RECQL: variants seen among roughly 807,000 people sequenced by gnomAD.
RECQL encodes the protein ATP-dependent DNA helicase Q1.
RECQL carries 73 observed loss-of-function variants against 75.8 expected under a neutral mutation model. The ratio of observed to expected loss-of-function variants is 0.96; its 90% CI spans 0.80 to 1.17. The LOEUF (loss-of-function observed/expected upper bound fraction) is 1.17. Ranked by LOEUF, RECQL falls within the 50% of genes most tolerant of loss-of-function variation. The pLI, the probability that RECQL is intolerant of heterozygous loss-of-function variation, is 0.00. For synonymous variants in RECQL, 248 were observed against 254.4 expected (o/e 0.97, Z 0.24); for missense variants, 699 against 772.1 (o/e 0.91, Z 1.12).
intron 4 of RECQL, 75 bp from the exon 5 acceptor site, chr12:21,486,660 T>TCA (rs1426587868): frequency 1.2e-5 from 3 of 252,260 alleles, no homozygotes; most frequent in East Asian, 2.8e-4. Flanking sequence ...CATTCACGTT[T>TCA]TTTTTTTTTT....
At position 21,501,181 on chromosome 12, in the gene RECQL, A is replaced by G. The variant is rs947706843; in HGVS notation, c.-57T>C. 6.6e-6 allele frequency: 1 copy of G among 152,174 alleles called. No individual in the cohort carries two copies. The highest frequency in any genetic ancestry group is 2.4e-5 in the African/African-American group (1 of 41,438). 9.4% of individuals were successfully genotyped at this position (152,174 alleles called of 1,614,324 possible). ...CCAGTAGTATTTACCAACAAATGGC[A>G]GCTGCTAATAAACAGGCTTTGGTGG... On this transcript the variant is annotated 5_prime_UTR_variant, in exon 1 of 15. Coordinates refer to ENST00000444129, the MANE Select transcript of RECQL (RefSeq NM_002907.4).
In RECQL at chr12:21,483,530, G is replaced by GGT. The variant is rs754320387; in HGVS notation, c.545_546insAC (p.Glu183ProfsTer3). ...GAGTCACATAAATCAGCTTTAACTCGGAGTTTTTATTTACCATTTCAGCAT... is the reference window on the plus strand; with the variant it reads ...GAGTCACATAAATCAGCTTTAACTCGGTGAGTTTTTATTTACCATTTCAGCAT... On this transcript the variant is annotated frameshift_variant, in exon 6 of 15. Transcript: ENST00000444129. LOFTEE classifies it high-confidence loss of function. 1 of 1,576,904 alleles carries GGT rather than the reference G, an allele frequency of 6.3e-7. No individual in the cohort carries two copies. The highest frequency in any genetic ancestry group is 8.6e-7 in the Non-Finnish European group (1 of 1,169,436).
intron 6 of RECQL, among the ~76,000 whole-genome samples, chr12:21,482,739 T>C (rs950230756): frequency 6.6e-6 from 1 of 152,198 alleles, no homozygotes; most frequent in Non-Finnish European, 1.5e-5. Flanking sequence ...CAGCAAATCC[T>C]AATGTGTGAA....
chr12:21,495,986 C>T (rs998101581), intron 2 of RECQL, among the ~76,000 whole-genome samples: 1 of 152,180 alleles, frequency 6.6e-6, no homozygotes, highest in African/African-American at 2.4e-5. Flanking sequence ...CATTGGTCTC[C>T]TGGCAAAGTA....
In RECQL at chr12:21,486,486, C is replaced by T. The variant is rs1943298633; in HGVS notation, c.494G>A (p.Ser165Asn). Residue 165 changes from serine to asparagine, a missense_variant, in exon 5 of 15, where the codon AGT becomes AAT. Physicochemically the swap from Ser to Asn is conservative, Grantham distance 46. Coordinates refer to ENST00000444129, the MANE Select transcript of RECQL (RefSeq NM_002907.4). The part of the protein sequence containing the change: ...GISATMLNAS[S>N]SKEHVKWVHA... ...AAAGCCACTGAAACATACCTTAGAA[C>T]TAGAAGCATTTAACATGGTTGCTGA... The T allele has an allele frequency of 6.3e-7, 1 of 1,580,940 alleles. No individual in the cohort carries two copies. The highest frequency in any genetic ancestry group is 1.9e-5 in the Admixed American group (1 of 53,904).
intron 2 of RECQL, among the ~76,000 whole-genome samples, chr12:21,496,366 G>A (rs1299726239): frequency 6.6e-6 from 1 of 152,216 alleles, no homozygotes; most frequent in Non-Finnish European, 1.5e-5. Flanking sequence ...CCATGTACCT[G>A]TTATTATAGC....
chr12:21,478,299 G>C (rs1943125738), intron 6 of RECQL, among the ~76,000 whole-genome samples: 1 of 152,084 alleles, frequency 6.6e-6, no homozygotes, highest in Non-Finnish European at 1.5e-5. Flanking sequence ...CTTGGTAAGG[G>C]CGGCACTGCT....
chr12:21,471,056 C>G lies in RECQL; in HGVS notation c.1710G>C (p.Leu570Phe). 6.2e-7 allele frequency: 1 copy of G among 1,601,912 alleles called. No homozygotes were observed. Among genetic ancestry groups the G allele is most frequent in the Non-Finnish European group, 8.5e-7 (1 of 1,175,278 alleles). The change falls in exon 14 of 15, where the codon TTG becomes TTC. Residue 570 changes from leucine (L) to phenylalanine (F), a missense_variant. Leu to Phe is a conservative substitution (Grantham distance 22). Transcript: ENST00000444129. ...GAAGATTAGCTTTAGGTCCTATTTT[C>G]AAATACGAAATGGTAGCATAAGCTG... ...SFTAYATISY[L>F]KIGPKANLLN...
chr12:21,473,726 C>A, intron 11 of RECQL, 84 bp from the exon 12 acceptor site: 2 of 1,085,184 alleles, frequency 1.8e-6, no homozygotes, highest in Non-Finnish European at 2.7e-6. Flanking sequence ...TAGTTATATA[C>A]TGTATTAGCT....
intron 2 of RECQL, among the ~76,000 whole-genome samples, chr12:21,495,820 A>T (rs549074120): frequency 6.6e-6 from 1 of 152,182 alleles, no homozygotes; most frequent in Non-Finnish European, 1.5e-5. Context: ...GTGTAAGGGC[A>T]GGGTTGGTGA....
intron 2 of RECQL, among the ~76,000 whole-genome samples, chr12:21,494,191 CA>C (rs1415273976): frequency 6.6e-6 from 1 of 152,004 alleles, no homozygotes; most frequent in Non-Finnish European, 1.5e-5. Context: ...TGTGAACTAA[CA>C]GAGCAAGAAC....
At chr12:21,473,691 T>G in intron 11 of RECQL, 49 bp from the exon 12 acceptor site, 2 of 1,496,594 alleles carry the variant, frequency 1.3e-6, no homozygotes, top group Non-Finnish European at 1.8e-6. Context: ...TAATAAAGTT[T>G]TAAGAATCTC....
At chr12:21,473,666 A>G (rs1044095789) in intron 11 of RECQL, 24 bp from the exon 12 acceptor site, 3 of 1,589,546 alleles carry the variant, frequency 1.9e-6, no homozygotes, top group Non-Finnish European at 2.6e-6. Context: ...TAAAGATACA[A>G]ATTATTAAAG....
At position 21,501,620 on chromosome 12, in the gene RECQL, A is replaced by C. The variant is rs1943623743; in HGVS notation, c.-496T>G. ...CGGGAGTAAAATCTTCCCGCCAGCC[A>C]GCTGAGAGCATCCACCCTTCCGGGT... On this transcript the variant is annotated 5_prime_UTR_variant, in exon 1 of 15. Coordinates refer to ENST00000444129, the MANE Select transcript of RECQL (RefSeq NM_002907.4). 1 of 412,992 alleles carries C rather than the reference A, an allele frequency of 2.4e-6. No individual in the cohort carries two copies. Among genetic ancestry groups the C allele is most frequent in the Non-Finnish European group, 4.4e-6 (1 of 226,330 alleles). 25.6% of individuals were successfully genotyped at this position (412,992 alleles called of 1,614,324 possible). A position where few individuals can be genotyped will look rare whatever the true frequency, so the allele number is the denominator to read the frequency against.
intron 2 of RECQL, among the ~76,000 whole-genome samples, chr12:21,499,006 C>A (rs1555148413): frequency 1.3e-5 from 2 of 152,120 alleles, no homozygotes; most frequent in Non-Finnish European, 2.9e-5. Flanking sequence ...CATGATTCAG[C>A]AAGAAGAGAA....
chr12:21,483,125 A>G (rs1435858559), intron 6 of RECQL, among the ~76,000 whole-genome samples: 1 of 152,224 alleles, frequency 6.6e-6, no homozygotes. Flanking sequence ...GTGGGGAATG[A>G]AACTAAACAT....
rs2417990 is a variant in RECQL at position 21,471,113 on chromosome 12, G to A, written c.1668-15C>T. On this transcript the variant is annotated splice_polypyrimidine_tract_variant and intron_variant, in intron 13 of 14. Transcript: ENST00000444129. The stretch of plus-strand genomic sequence containing the variant: ...TGTAGTCTTCTCTGCAGAAAATAAA[G>A]GCCAACAATAAGAAAGCTTTTGAAG... 2 of 1,552,496 alleles carry A rather than the reference G, an allele frequency of 1.3e-6. No homozygotes were observed. Among genetic ancestry groups the A allele is most frequent in the East Asian group, 2.3e-5 (1 of 42,562 alleles).
chr12:21,475,734 T>G lies in RECQL; in HGVS notation c.1040A>C (p.Asn347Thr). 6.2e-7 allele frequency: 1 copy of G among 1,613,552 alleles called. No individual in the cohort carries two copies. Among genetic ancestry groups the G allele is most frequent in the Non-Finnish European group, 8.5e-7 (1 of 1,179,576 alleles). The change falls in exon 9 of 15, where the codon AAT (asparagine) becomes ACT (threonine). Residue 347 changes from asparagine to threonine, a missense_variant. By Grantham distance (65) the Asn-to-Thr change is moderately conservative (BLOSUM62 0). Transcript: ENST00000444129. ...LGIHAGAYHA[N>T]LEPEDKTTVH... is the part of the protein sequence containing the mutation. ...TGTGGTCTTATCTTCTGGCTCCAAA[T>G]TGGCATGGTAAGCACCTGCATGAAT...
At chr12:21,486,736 T>C (rs1943312528) in intron 4 of RECQL, 151 bp from the exon 5 acceptor site, 3 of 639,958 alleles carry the variant, frequency 4.7e-6, no homozygotes, top group East Asian at 3.6e-5. Flanking sequence ...AGTGGTGCGA[T>C]GTTGGCTCAT....
Sources: gnomAD v4.1 joint callset for allele counts (sites outside exome capture counted in the v4.1 genomes callset) on GRCh38, gnomAD v4.1.1 for gene constraint, MANE v1.5 for transcripts, NCBI Gene and HGNC (gene_info 2026-07-23, HGNC 2026-07-21) for gene names.